UNC79: variants seen among roughly 807,000 people sequenced by gnomAD.
UNC79 encodes protein unc-79 homolog.
UNC79 carries 37 observed loss-of-function variants against 283.1 expected under a neutral mutation model. That is an observed-to-expected ratio of 0.13 (90% CI 0.10 to 0.17). The LOEUF (loss-of-function observed/expected upper bound fraction) is 0.17. Among genes scored for constraint, UNC79 ranks in the 10% least tolerant of loss-of-function variants. The pLI, the probability that UNC79 is intolerant of heterozygous loss-of-function variation, is 1.00. For missense variants in UNC79, 2,272 were observed against 3,211.1 expected (o/e 0.71, Z 7.07); for synonymous variants, 1,107 against 1,200.2 (o/e 0.92, Z 1.61).
chr14:93,393,337 C>A (rs1333215237), intron 1 of UNC79, among the ~76,000 whole-genome samples: 2 of 152,146 alleles, frequency 1.3e-5, no homozygotes, highest in Non-Finnish European at 2.9e-5. Flanking sequence ...TAATCTAAGA[C>A]TTAGTCATTA....
At chr14:93,487,539 T>C (rs1566988011) in intron 4 of UNC79, 124 bp from the exon 5 acceptor site, 2 of 689,590 alleles carry the variant, frequency 2.9e-6, no homozygotes, top group African/African-American at 1.9e-5. Flanking sequence ...TGTGCAAAAC[T>C]TCCATTAGCT....
At chr14:93,642,578 A>G (rs140411542) in intron 33 of UNC79, among the ~76,000 whole-genome samples, 1 of 152,170 alleles carries the variant, frequency 6.6e-6, no homozygotes, top group Admixed American at 6.5e-5. Flanking sequence ...TGGAAGGTCC[A>G]CACAGGTCAT....
At chr14:93,532,211 C>T (rs2060852949) in intron 10 of UNC79, among the ~76,000 whole-genome samples, 1 of 151,796 alleles carries the variant, frequency 6.6e-6, no homozygotes, top group African/African-American at 2.4e-5. Flanking sequence ...CACCTGTAAT[C>T]CTAGCCTTTT....
chr14:93,636,914 A>G (rs911286446), intron 31 of UNC79, among the ~76,000 whole-genome samples: 2 of 152,064 alleles, frequency 1.3e-5, no homozygotes, highest in African/African-American at 4.8e-5. Context: ...TTCGTTTCCT[A>G]TCTGGAGATA....
chr14:93,660,563 A>ATATATATATGTG (rs1203621990), intron 39 of UNC79, among the ~76,000 whole-genome samples: 9 of 64,786 alleles, frequency 1.4e-4, no homozygotes, highest in Non-Finnish European at 2.0e-4. Flanking sequence ...ATATATATAT[A>ATATATATATGTG]TGTGTGTGTG....
chr14:93,524,093 G>T (rs749349204), intron 8 of UNC79, 51 bp downstream of exon 8: 1 of 1,596,042 alleles, frequency 6.3e-7, no homozygotes, highest in Non-Finnish European at 8.6e-7. Context: ...TGGTCAAATT[G>T]CTGAATGAAG....
Position 93,646,653 on chromosome 14 carries a change from T to A in UNC79, c.6083+7T>A. ...TTTCTAATCAAGCAGAAAGGTAAGG[T>A]CCTAACGGGAGCCCAGATCTCACTT... On this transcript the variant is annotated splice_region_variant and intron_variant, in intron 35 of 48. Coordinates refer to ENST00000555664, the Ensembl canonical transcript of UNC79. 6.2e-7 allele frequency: 1 copy of A among 1,613,748 alleles called. No individual in the cohort carries two copies. Among genetic ancestry groups the A allele is most frequent in the Non-Finnish European group, 8.5e-7 (1 of 1,179,764 alleles).
chr14:93,641,302 C>T, intron 33 of UNC79, 55 bp downstream of exon 36: 1 of 1,523,052 alleles, frequency 6.6e-7, no homozygotes, highest in Non-Finnish European at 9.0e-7. Context: ...AGTTTGGTTA[C>T]CACAGTGGTG....
chr14:93,407,649 C>T (rs1470734033), intron 1 of UNC79, among the ~76,000 whole-genome samples: 1 of 152,094 alleles, frequency 6.6e-6, no homozygotes, highest in African/African-American at 2.4e-5. Context: ...TCTAGTTTTT[C>T]CGTCTCACAG....
At chr14:93,379,321 G>T (rs1503962) in intron 1 of UNC79, among the ~76,000 whole-genome samples, 85,370 of 151,756 alleles carry the variant, frequency 0.56, 24,664 homozygotes, top group Admixed American at 0.67. Flanking sequence ...GAGAGAGTTT[G>T]CACAGGCTAT....
At chr14:93,441,667 C>G (rs1271996606) in intron 1 of UNC79, among the ~76,000 whole-genome samples, 1 of 152,074 alleles carries the variant, frequency 6.6e-6, no homozygotes, top group Non-Finnish European at 1.5e-5. Context: ...CTCCTTCTAA[C>G]CCAGTATCTG....
intron 27 of UNC79, among the ~76,000 whole-genome samples, chr14:93,616,529 G>A (rs980207573): frequency 2.6e-5 from 4 of 151,706 alleles, no homozygotes; most frequent in African/African-American, 4.8e-5. Context: ...CCACCACACC[G>A]AATTAACTTA....
At chr14:93,528,604 C>T in exon 9 of UNC79, 1 of 1,613,780 alleles carries the variant, frequency 6.2e-7, no homozygotes, top group Non-Finnish European at 8.5e-7. Flanking sequence ...GATAAACCAC[C>T]CCCGTTGTAT....
chr14:93,682,762 T>G, intron 42 of UNC79, 68 bp downstream of exon 45: 17 of 1,496,162 alleles, frequency 1.1e-5, no homozygotes, highest in Non-Finnish European at 1.6e-5. Context: ...GAATGTAGGC[T>G]TTAGACTTAC....
At chr14:93,701,078 C>T (rs1226327851) in intron 47 of UNC79, among the ~76,000 whole-genome samples, 2 of 152,154 alleles carry the variant, frequency 1.3e-5, no homozygotes, top group African/African-American at 4.8e-5. Flanking sequence ...TCCCAGGGCT[C>T]CTGGCTACCT....
In UNC79 at chr14:93,403,959, A is replaced by T. The variant is rs188616628; in HGVS notation, c.-350-63712A>T. Among the ~76,000 whole-genome samples the T allele has an allele frequency of 3.9e-5, 6 of 152,182 alleles. No homozygotes were observed. The East Asian group carries it at 1.2e-3, about 29-fold the overall frequency. On this transcript the variant is annotated intron_variant, in intron 1 of 49. Coordinates refer to the UNC79 transcript ENST00000256339. ...CAGTGTGGGCAAAAAACATTTGCAG[A>T]TACATAAAGAAAGAGTAGGACTGTT...
intron 10 of UNC79, among the ~76,000 whole-genome samples, chr14:93,532,301 TA>T (rs2141071036): frequency 3.5e-5 from 1 of 28,526 alleles, no homozygotes; most frequent in African/African-American, 1.5e-4. Flanking sequence ...ACCCCATGTC[TA>T]CAAAAAAAAA....
chr14:93,477,466 T>G (rs2057868356), intron 3 of UNC79, 92 bp from the exon 4 acceptor site: 2 of 1,109,830 alleles, frequency 1.8e-6, no homozygotes, highest in African/African-American at 1.6e-5. Context: ...GCTTATAACT[T>G]AAACCAGTTC....
At chr14:93,502,459 C>T (rs1203265222) in intron 7 of UNC79, among the ~76,000 whole-genome samples, 1 of 151,932 alleles carries the variant, frequency 6.6e-6, no homozygotes, top group African/African-American at 2.4e-5. Flanking sequence ...ATGGGACTCC[C>T]ATGTGTATGT....
Sources: allele counts gnomAD v4.1 joint callset (sites outside exome capture counted in the v4.1 genomes callset), GRCh38; gene constraint gnomAD v4.1.1; transcripts MANE v1.5; gene names NCBI Gene and HGNC (gene_info 2026-07-23, HGNC 2026-07-21).